The following TRMT11 variants were observed in gnomAD, a reference collection of about 807,000 sequenced individuals.
TRMT11 encodes tRNA (guanine(10)-N(2))-methyltransferase TRMT11.
A neutral mutation model predicts 62.8 loss-of-function variants in TRMT11; 53 were observed. The observed-to-expected ratio is 0.84, with a 90% CI of 0.68 to 1.06. TRMT11 has a LOEUF of 1.06. Ranked by LOEUF, TRMT11 falls within the 50% of genes least tolerant of loss-of-function variation. The pLI is 0.00. For synonymous variants in TRMT11, 188 were observed against 190.3 expected, an observed-to-expected ratio of 0.99 and a Z score of 0.10; for missense variants, 556 against 553.4, an observed-to-expected ratio of 1.00 and a Z score of -0.05.
At chr6:126,023,847 C>G (rs2128000351) in intron 12 of TRMT11, among the ~76,000 whole-genome samples, 1 of 152,132 alleles carries the variant, frequency 6.6e-6, no homozygotes, top group African/African-American at 2.4e-5. Flanking sequence ...ATATTTGTTA[C>G]AGTAATTGTG....
intron 12 of TRMT11, among the ~76,000 whole-genome samples, chr6:126,036,543 G>A (rs1775227812): frequency 6.6e-6 from 1 of 152,082 alleles, no homozygotes. Context: ...AATCTGAGAA[G>A]AGGGATTTGA....
At chr6:126,066,944 G>T (rs1169898071) in intron 17 of TRMT11, among the ~76,000 whole-genome samples, 1 of 151,898 alleles carries the variant, frequency 6.6e-6, no homozygotes, top group Non-Finnish European at 1.5e-5. Flanking sequence ...AAAAATAAGG[G>T]CCGGGCACAG....
chr6:126,052,643 C>G (rs1279408809), intron 16 of TRMT11, among the ~76,000 whole-genome samples: 1 of 152,158 alleles, frequency 6.6e-6, no homozygotes, highest in Non-Finnish European at 1.5e-5. Context: ...TCTGAAGCTC[C>G]TACTAATTTG....
chr6:126,104,827 C>T (rs573689000), intron 17 of TRMT11, among the ~76,000 whole-genome samples: 1 of 152,228 alleles, frequency 6.6e-6, no homozygotes, highest in South Asian at 2.1e-4. Context: ...AGATTTCTAT[C>T]GAGTTCTTCT....
intron 18 of TRMT11, among the ~76,000 whole-genome samples, chr6:126,114,526 G>A (rs1332930363): frequency 2.6e-5 from 4 of 152,050 alleles, no homozygotes; most frequent in African/African-American, 9.7e-5. Flanking sequence ...CTCCTTGAAG[G>A]TGGGACCTGT....
At chr6:126,158,522 C>T (rs1778147765) in intron 21 of TRMT11, among the ~76,000 whole-genome samples, 1 of 152,172 alleles carries the variant, frequency 6.6e-6, no homozygotes, top group Admixed American at 6.5e-5. Context: ...TGTTTAGTGT[C>T]TAAATCTATT....
At chr6:126,151,731 C>T (rs1054888590) in intron 21 of TRMT11, among the ~76,000 whole-genome samples, 1 of 150,956 alleles carries the variant, frequency 6.6e-6, no homozygotes, top group African/African-American at 2.5e-5. Context: ...TCCCTCCCTC[C>T]CTTCCATCCT....
At chr6:125,993,895 C>T in intron 2 of TRMT11, 73 bp downstream of exon 2, 2 of 834,354 alleles carry the variant, frequency 2.4e-6, no homozygotes, top group Non-Finnish European at 3.8e-6. Context: ...AGAAGAAGTG[C>T]ATATCTTAAA....
At chr6:126,033,594 A>G (rs1008717317) in intron 12 of TRMT11, among the ~76,000 whole-genome samples, 1 of 152,162 alleles carries the variant, frequency 6.6e-6, no homozygotes, top group Non-Finnish European at 1.5e-5. Flanking sequence ...TTTCTCCATC[A>G]TTATTTAAAA....
At chr6:126,243,122 A>C in the TRMT11 span, among the ~76,000 whole-genome samples, 1 of 152,246 alleles carries the variant, frequency 6.6e-6, no homozygotes, top group Non-Finnish European at 1.5e-5. Flanking sequence ...AAACTAGGCG[A>C]AGGATATGAA....
At chr6:126,263,395 A>G in the TRMT11 span, among the ~76,000 whole-genome samples, 1 of 152,150 alleles carries the variant, frequency 6.6e-6, no homozygotes, top group South Asian at 2.1e-4. Context: ...ATATATCACT[A>G]AACTCTTCTT....
At chr6:125,995,074 A>G (rs1791265571) in intron 2 of TRMT11, among the ~76,000 whole-genome samples, 1 of 152,152 alleles carries the variant, frequency 6.6e-6, no homozygotes, top group Non-Finnish European at 1.5e-5. Context: ...GCAGCAAACC[A>G]CCATGGCACA....
At chr6:125,998,378 A>C in intron 5 of TRMT11, 63 bp downstream of exon 5, 1 of 1,295,296 alleles carries the variant, frequency 7.7e-7, no homozygotes, top group Admixed American at 2.0e-5. Context: ...TTGTTGATAT[A>C]TAGGAATACC....
chr6:126,200,641 G>A (rs1778724271), intron 3 of TRMT11, among the ~76,000 whole-genome samples: 1 of 152,114 alleles, frequency 6.6e-6, no homozygotes, highest in Non-Finnish European at 1.5e-5. Flanking sequence ...TGCAAGCTCC[G>A]CCTCTTGGGT....
the TRMT11 span, among the ~76,000 whole-genome samples, chr6:126,270,708 A>G: frequency 6.6e-6 from 1 of 152,214 alleles, no homozygotes; most frequent in Admixed American, 6.5e-5. Context: ...AAAATTGGAT[A>G]AAGAATATTT....
At chr6:126,169,513 G>A (rs562375217) in intron 21 of TRMT11, among the ~76,000 whole-genome samples, 5 of 152,302 alleles carry the variant, frequency 3.3e-5, no homozygotes, top group South Asian at 4.1e-4. Flanking sequence ...GTTTCCTCCT[G>A]AAGATGATTC....
chr6:126,000,694 G>A (rs1792325304), intron 7 of TRMT11, among the ~76,000 whole-genome samples: 1 of 152,056 alleles, frequency 6.6e-6, no homozygotes, highest in African/African-American at 2.4e-5. Context: ...CATATGCTTA[G>A]GAAGAAGTAG....
intron 21 of TRMT11, among the ~76,000 whole-genome samples, chr6:126,171,449 T>C (rs1381184562): frequency 3.3e-5 from 5 of 152,192 alleles, no homozygotes; most frequent in African/African-American, 1.2e-4. Flanking sequence ...ATACTCACAA[T>C]TAGCCACATG....
chr6:125,987,639 G>C (rs899043659), intron 1 of TRMT11, among the ~76,000 whole-genome samples: 1 of 152,196 alleles, frequency 6.6e-6, no homozygotes, highest in Admixed American at 6.5e-5. Flanking sequence ...AAGAAGGTCT[G>C]ACCTAGGGCA....
Sources: allele counts gnomAD v4.1 joint callset (sites outside exome capture counted in the v4.1 genomes callset), GRCh38; gene constraint gnomAD v4.1.1; transcripts MANE v1.5; gene names NCBI Gene and HGNC (gene_info 2026-07-23, HGNC 2026-07-21).